Variants in WDFY4 observed in about 807,000 individuals in gnomAD.
The protein encoded by WDFY4 is WDFY family member 4, also known as WD repeat- and FYVE domain-containing protein 4.
In WDFY4, 169 loss-of-function variants were observed where a neutral mutation model predicts 351.9. That is an observed-to-expected ratio of 0.48 (90% CI 0.42 to 0.55). The LOEUF is 0.55. WDFY4 is among the 20% of genes least tolerant of loss of function. WDFY4 has a pLI of 0.00. For missense variants in WDFY4, 3,803 were observed against 3,935.6 expected (o/e 0.97, Z 0.90); for synonymous variants, 1,622 against 1,574.6 (o/e 1.03, Z -0.71).
At chr10:48,773,297 C>A (rs539776257) in intron 13 of WDFY4, among the ~76,000 whole-genome samples, 1 of 152,274 alleles carries the variant, frequency 6.6e-6, no homozygotes, top group East Asian at 1.9e-4. Flanking sequence ...CTGCATGGAG[C>A]ACAGTAGCAT....
chr10:48,692,012 G>A (rs987228187), intron 1 of WDFY4, among the ~76,000 whole-genome samples: 2 of 152,210 alleles, frequency 1.3e-5, no homozygotes, highest in Non-Finnish European at 2.9e-5. Flanking sequence ...AGGAGAAGGA[G>A]GAGGGTAGCA....
chr10:48,774,377 C>A, intron 13 of WDFY4, 81 bp from the exon 14 acceptor site: 1 of 1,444,884 alleles, frequency 6.9e-7, no homozygotes, highest in Non-Finnish European at 9.5e-7. Context: ...CAACTCACCC[C>A]AGGCCAAGTT....
Position 48,720,088 on chromosome 10 carries a change from C to G in WDFY4, c.312C>G (p.Ala104=), listed in dbSNP as rs759319879. 6.4e-7 allele frequency: 1 copy of G among 1,551,744 alleles called. No homozygotes were observed. Among genetic ancestry groups the G allele is most frequent in the African/African-American group, 1.4e-5 (1 of 73,046 alleles). Residue 104 remains alanine, a synonymous_variant, in exon 3 of 62, where the codon GCC becomes GCG. Transcript: ENST00000325239. The part of the protein sequence containing the change: ...RLAEDVSDQL[A]QQLQKALVGK... ...CTGAAGACGTGTCTGACCAGCTTGC[C>G]CAGCAACTCCAGAAGGCCCTTGTGG...
chr10:48,748,875 G>A (rs1166748582), intron 12 of WDFY4, among the ~76,000 whole-genome samples: 1 of 152,200 alleles, frequency 6.6e-6, no homozygotes, highest in South Asian at 2.1e-4. Flanking sequence ...GCTTCCCTCA[G>A]CCCTGCCTTC....
At chr10:48,878,916 T>C (rs1178579729) in intron 43 of WDFY4, among the ~76,000 whole-genome samples, 1 of 152,268 alleles carries the variant, frequency 6.6e-6, no homozygotes, top group Non-Finnish European at 1.5e-5. Flanking sequence ...TAAATTCATG[T>C]GCATTTTATT....
intron 47 of WDFY4, among the ~76,000 whole-genome samples, chr10:48,905,755 C>A (rs555503326): frequency 6.6e-6 from 1 of 152,372 alleles, no homozygotes; most frequent in East Asian, 1.9e-4. Context: ...GGGCATGTGG[C>A]AAGACTGTGC....
At chr10:48,750,278 C>G (rs749581282) in intron 12 of WDFY4, among the ~76,000 whole-genome samples, 2 of 152,198 alleles carry the variant, frequency 1.3e-5, no homozygotes, top group African/African-American at 4.8e-5. Flanking sequence ...CAGATGTGAC[C>G]CTGTCGTTCC....
At chr10:48,934,912 C>T (rs530338949) in intron 47 of WDFY4, among the ~76,000 whole-genome samples, 2 of 152,334 alleles carry the variant, frequency 1.3e-5, no homozygotes, top group African/African-American at 2.4e-5. Flanking sequence ...TTCCCAGGCT[C>T]GCCTGTGCCC....
intron 53 of WDFY4, among the ~76,000 whole-genome samples, chr10:48,960,154 G>C (rs905475349): frequency 1.3e-5 from 2 of 152,212 alleles, no homozygotes; most frequent in African/African-American, 2.4e-5. Flanking sequence ...GTTCAGAGAG[G>C]GTTTGGAGCC....
intron 47 of WDFY4, chr10:48,909,968 A>G: frequency 2.0e-6 from 1 of 500,458 alleles, no homozygotes; most frequent in Non-Finnish European, 3.6e-6. Flanking sequence ...TCTATAATAT[A>G]TAATCTGTAA....
chr10:48,934,793 A>G (rs1202484272), intron 47 of WDFY4, among the ~76,000 whole-genome samples: 1 of 152,176 alleles, frequency 6.6e-6, no homozygotes, highest in East Asian at 1.9e-4. Flanking sequence ...AAGCAGTTCA[A>G]ACACATCTCC....
intron 35 of WDFY4, chr10:48,824,284 C>A (rs569771671): frequency 4.2e-6 from 3 of 719,756 alleles, no homozygotes; most frequent in South Asian, 1.3e-4. Context: ...GGTAACTTAG[C>A]GTCTATGGTG....
intron 47 of WDFY4, among the ~76,000 whole-genome samples, chr10:48,934,965 C>G (rs919596712): frequency 6.6e-6 from 1 of 152,188 alleles, no homozygotes; most frequent in African/African-American, 2.4e-5. Context: ...AGCTGCCCTT[C>G]CTGACTGGGG....
chr10:48,766,094 C>T (rs140474161), intron 13 of WDFY4, among the ~76,000 whole-genome samples: 74 of 152,316 alleles, frequency 4.9e-4, no homozygotes, highest in African/African-American at 1.7e-3. Flanking sequence ...TGAAAAGAGC[C>T]ATTTCCACCA....
At chr10:48,768,220 A>T (rs1293865394) in intron 13 of WDFY4, among the ~76,000 whole-genome samples, 1 of 152,146 alleles carries the variant, frequency 6.6e-6, no homozygotes, top group Non-Finnish European at 1.5e-5. Flanking sequence ...AGTTCTCAAG[A>T]GCAAGGTCAG....
intron 55 of WDFY4, chr10:48,968,395 C>T (rs991779844): frequency 1.8e-4 from 28 of 152,462 alleles, no homozygotes; most frequent in African/African-American, 6.3e-4. Context: ...TGGGGAGAGA[C>T]ATCTCACAGT....
chr10:48,778,548 T>A (rs943840251), intron 17 of WDFY4, 63 bp from the exon 18 acceptor site: 17 of 1,484,814 alleles, frequency 1.1e-5, no homozygotes, highest in African/African-American at 5.6e-5. Flanking sequence ...CCATAGTGAA[T>A]CTGAACATGC....
intron 1 of WDFY4, among the ~76,000 whole-genome samples, chr10:48,703,457 A>G (rs2063536233): frequency 6.6e-6 from 1 of 152,260 alleles, no homozygotes; most frequent in Non-Finnish European, 1.5e-5. Flanking sequence ...AAATGAGAAT[A>G]GTTGCAGAGG....
chr10:48,806,550 C>G (rs976945376), intron 27 of WDFY4, among the ~76,000 whole-genome samples: 4 of 152,230 alleles, frequency 2.6e-5, no homozygotes, highest in Admixed American at 1.3e-4. Context: ...GTCCCCAGTC[C>G]CACCAAACCA....
Sources: allele counts gnomAD v4.1 joint callset (sites outside exome capture counted in the v4.1 genomes callset), GRCh38; gene constraint gnomAD v4.1.1; transcripts MANE v1.5; gene names NCBI Gene and HGNC (gene_info 2026-07-23, HGNC 2026-07-21).